Variants in ZSCAN32 observed in about 807,000 individuals in gnomAD.
ZSCAN32 encodes the protein zinc finger and SCAN domain containing 32.
A neutral mutation model predicts 47.4 loss-of-function variants in ZSCAN32; 52 were observed. The ratio of observed to expected loss-of-function variants is 1.10; its 90% CI spans 0.88 to 1.38. ZSCAN32 has a LOEUF of 1.38. ZSCAN32 is among the 40% of genes most tolerant of loss of function. The pLI, the probability that ZSCAN32 is intolerant of heterozygous loss-of-function variation, is 0.00. For missense variants in ZSCAN32, 959 were observed against 846.0 expected (o/e 1.13, Z -1.66); for synonymous variants, 346 against 305.7 (o/e 1.13, Z -1.38).
chr16:3,393,262 G>A (rs28128), intron 3 of ZSCAN32, among the ~76,000 whole-genome samples: 2 of 17,490 alleles, frequency 1.1e-4, no homozygotes, highest in African/African-American at 4.0e-4. Context: ...TATATTTTTT[G>A]TTTTCTTTGA....
Position 3,384,546 on chromosome 16 carries a change from C to G in ZSCAN32, c.1147G>C (p.Gly383Arg). 1 of 1,614,190 alleles carries G rather than the reference C, an allele frequency of 6.2e-7. No individual in the cohort carries two copies. The highest frequency in any genetic ancestry group is 8.5e-7 in the Non-Finnish European group (1 of 1,180,040). The change falls in exon 6 of 7, where the codon GGT becomes CGT. Residue 383 changes from glycine (G) to arginine (R), a missense_variant. Coordinates refer to ENST00000396852, the MANE Select transcript of ZSCAN32 (RefSeq NM_001284527.2). ...PTEVEDGTVDGADRDEKDFRN... is the reference protein window; with the variant it reads ...PTEVEDGTVDRADRDEKDFRN... ...AAGTCCTTTTCATCCCTGTCTGCACCATCCACAGTGCCATCTTCTACCTCC... is the reference window on the plus strand; with the variant it reads ...AAGTCCTTTTCATCCCTGTCTGCACGATCCACAGTGCCATCTTCTACCTCC...
chr16:3,384,407 CT>C (rs1447416762), intron 6 of ZSCAN32, 51 bp downstream of exon 6: 1 of 1,607,386 alleles, frequency 6.2e-7, no homozygotes, highest in Admixed American at 1.7e-5. Flanking sequence ...GGCTAATGGC[CT>C]CTAAAGTGGA....
At chr16:3,385,312 G>A (rs1422980847) in intron 5 of ZSCAN32, among the ~76,000 whole-genome samples, 2 of 152,118 alleles carry the variant, frequency 1.3e-5, no homozygotes, top group Non-Finnish European at 2.9e-5. Flanking sequence ...ATGACAGAGA[G>A]AGAATGCCAT....
intron 3 of ZSCAN32, among the ~76,000 whole-genome samples, chr16:3,392,248 G>T (rs1157519769): frequency 6.6e-6 from 1 of 152,126 alleles, no homozygotes; most frequent in African/African-American, 2.4e-5. Context: ...CTTTTCGGGA[G>T]GATAAAAATG....
intron 5 of ZSCAN32, 38 bp downstream of exon 5, chr16:3,389,972 C>A: frequency 6.4e-7 from 1 of 1,564,910 alleles, no homozygotes; most frequent in East Asian, 2.3e-5. Flanking sequence ...AACAACTGAA[C>A]ACATCCACCT....
chr16:3,385,545 A>C (rs2031867622), intron 5 of ZSCAN32, among the ~76,000 whole-genome samples: 1 of 152,190 alleles, frequency 6.6e-6, no homozygotes, highest in Admixed American at 6.5e-5. Context: ...TTCAAACTAT[A>C]CTACAAGGCT....
Position 3,383,465 on chromosome 16 carries a change from C to A in ZSCAN32, c.1481G>T (p.Cys494Phe). Residue 494 changes from cysteine to phenylalanine, a missense_variant, in exon 7 of 7, where the codon TGT (cysteine) becomes TTT (phenylalanine). Transcript: ENST00000396852. Reference sequence around the variant, plus strand: ...GTTTTTCCCACAGAGGATATGTGTACAGGCTTTGTCCCTGGCACAAAAACT... The same window carrying A: ...GTTTTTCCCACAGAGGATATGTGTAAAGGCTTTGTCCCTGGCACAAAAACT... Reference protein sequence around the residue: ...HQSFCARDKACTHILCGKNCS... With the variant: ...HQSFCARDKAFTHILCGKNCS... 1 of 1,614,158 alleles carries A rather than the reference C, an allele frequency of 6.2e-7. No individual in the cohort carries two copies. The highest frequency in any genetic ancestry group is 1.7e-4 in the Middle Eastern group (1 of 6,060).
At chr16:3,394,543 T>C (rs1277829044) in intron 2 of ZSCAN32, among the ~76,000 whole-genome samples, 1 of 152,110 alleles carries the variant, frequency 6.6e-6, no homozygotes, top group Non-Finnish European at 1.5e-5. Context: ...GCTGTCTGCA[T>C]CCTCTCTACT....
intron 2 of ZSCAN32, among the ~76,000 whole-genome samples, chr16:3,396,727 C>T (rs2033397235): frequency 6.6e-6 from 1 of 152,202 alleles, no homozygotes; most frequent in Admixed American, 6.6e-5. Flanking sequence ...TTTATGAATC[C>T]ATCAGTGTCC....
rs2031763298 is a variant in ZSCAN32 at position 3,384,912 on chromosome 16, T to A, written c.781A>T (p.Thr261Ser). Residue 261 changes from threonine (T) to serine (S), a missense_variant, in exon 6 of 7, where the codon ACC becomes TCC. By Grantham distance (58) the Thr-to-Ser change is moderately conservative. Transcript: ENST00000396852. ...ATGVPWGYEE[T>S]KTLLAILSSS... ...CTAAGAATAGCCAGGAGCGTCTTGG[T>A]CTCTTCATAGCCCCAGGGCACACCT... 2 of 1,613,820 alleles carry A rather than the reference T, an allele frequency of 1.2e-6. No homozygotes were observed. The highest frequency in any genetic ancestry group is 1.7e-6 in the Non-Finnish European group (2 of 1,180,038).
In ZSCAN32 at chr16:3,382,858, C is replaced by A; in HGVS notation, c.2088G>T (p.Ala696=). The change falls in exon 7 of 7, where the codon GCG becomes GCT. Residue 696 remains alanine, a synonymous_variant. Transcript: ENST00000396852. ...TGACAGTTTACCGACACACTCATAACGCATCTCTTCCTTCCTGTGATGAGA... is the reference window on the plus strand; with the variant it reads ...TGACAGTTTACCGACACACTCATAAAGCATCTCTTCCTTCCTGTGATGAGA... ...AVLSSQEGRD[A]L The A allele has an allele frequency of 1.3e-6, 2 of 1,557,718 alleles. No homozygotes were observed. The highest frequency in any genetic ancestry group is 2.3e-5 in the East Asian group (1 of 44,270).
Position 3,383,581 on chromosome 16 carries a change from C to A in ZSCAN32, c.1365G>T (p.Leu455Phe). Residue 455 changes from leucine to phenylalanine, a missense_variant, in exon 7 of 7, where the codon TTG becomes TTT. Transcript: ENST00000396852. The part of the protein sequence containing the change: ...VYWHSELQKG[L>F]ESEPTSRRQC... Reference sequence around the variant, plus strand: ...GCCTTCTTGATGTTGGCTCACTCTCCAAGCCTTTTTGTAGCTCAGAGTGCC... The same window carrying A: ...GCCTTCTTGATGTTGGCTCACTCTCAAAGCCTTTTTGTAGCTCAGAGTGCC... 2.5e-6 allele frequency: 4 copies of A among 1,614,038 alleles called. No individual in the cohort carries two copies. The highest frequency in any genetic ancestry group is 3.4e-6 in the Non-Finnish European group (4 of 1,180,026).
At chr16:3,396,086 G>A (rs1217468384) in intron 2 of ZSCAN32, among the ~76,000 whole-genome samples, 1 of 152,116 alleles carries the variant, frequency 6.6e-6, no homozygotes, top group Non-Finnish European at 1.5e-5. Flanking sequence ...TGATGGAAGG[G>A]GAACTGGGCT....
At chr16:3,398,200 A>G (rs9927542) in intron 1 of ZSCAN32, among the ~76,000 whole-genome samples, 8,824 of 152,232 alleles carry the variant, frequency 0.058, 828 homozygotes, top group African/African-American at 0.2. Context: ...AACTTCCCCA[A>G]TTAAATAACA....
At position 3,393,643 on chromosome 16, in the gene ZSCAN32, G is replaced by A; in HGVS notation, c.532+6C>T. 1 of 1,542,680 alleles carries A rather than the reference G, an allele frequency of 6.5e-7. No individual in the cohort carries two copies. The highest frequency in any genetic ancestry group is 8.8e-7 in the Non-Finnish European group (1 of 1,142,432). On this transcript the variant is annotated splice_donor_region_variant and intron_variant, in intron 3 of 6. Transcript: ENST00000396852. ...GCCTCAGGTGAGGACAGAGGCTTCT[G>A]CTTACCTTCTGACTGTTCCCCTGGT...
chr16:3,388,771 C>G (rs529008913), intron 5 of ZSCAN32, among the ~76,000 whole-genome samples: 2 of 152,096 alleles, frequency 1.3e-5, no homozygotes, highest in Non-Finnish European at 2.9e-5. Flanking sequence ...TTACAGGTAC[C>G]ATTACATGAA....
intron 5 of ZSCAN32, among the ~76,000 whole-genome samples, chr16:3,388,824 G>T (rs1009336653): frequency 2.0e-5 from 3 of 152,156 alleles, no homozygotes; most frequent in African/African-American, 7.2e-5. Context: ...ATGAAGACTG[G>T]TGTCTGCAAA....
intron 5 of ZSCAN32, among the ~76,000 whole-genome samples, chr16:3,385,368 T>C (rs1011750013): frequency 6.6e-6 from 1 of 152,114 alleles, no homozygotes. Flanking sequence ...GCCATACTGC[T>C]CAAGGTAATT....
At chr16:3,397,843 AAT>A in intron 1 of ZSCAN32, 99 bp from the exon 2 acceptor site, 1 of 212,812 alleles carries the variant, frequency 4.7e-6, no homozygotes, top group South Asian at 1.2e-4. Context: ...TCCCTCCACA[AAT>A]CTACACCAAG....
Sources: allele counts gnomAD v4.1 joint callset (sites outside exome capture counted in the v4.1 genomes callset), GRCh38; gene constraint gnomAD v4.1.1; transcripts MANE v1.5; gene names NCBI Gene and HGNC (gene_info 2026-07-23, HGNC 2026-07-21).